Variants in PP2D1 observed in about 807,000 individuals in gnomAD.
PP2D1 encodes protein phosphatase 2C like domain containing 1.
PP2D1 carries 25 observed loss-of-function variants against 30.2 expected under a neutral mutation model. The observed-to-expected ratio is 0.83, with a 90% CI of 0.60 to 1.16. The LOEUF (loss-of-function observed/expected upper bound fraction) is 1.16, where lower values mean the gene tolerates loss of function less well. PP2D1 is among the 50% of genes most tolerant of loss of function. The pLI is 0.00. For synonymous variants in PP2D1, 260 were observed against 258.9 expected (o/e 1.00, Z -0.04); for missense variants, 760 against 742.4 (o/e 1.02, Z -0.28).
downstream of PP2D1, among the ~76,000 whole-genome samples, chr3:19,981,997 C>T (rs1696937942): frequency 6.6e-6 from 1 of 151,978 alleles, no homozygotes; most frequent in Non-Finnish European, 1.5e-5. Context: ...AATCCCAATA[C>T]TTTGAGAGGC....
At chr3:19,989,163 GTC>G (rs1478697642) in intron 2 of PP2D1, among the ~76,000 whole-genome samples, 1 of 152,058 alleles carries the variant, frequency 6.6e-6, no homozygotes, top group East Asian at 1.9e-4. Context: ...GCGAAACTCT[GTC>G]TCTACTAAAT....
At chr3:19,990,245 A>T (rs574789493) in intron 2 of PP2D1, among the ~76,000 whole-genome samples, 1 of 152,120 alleles carries the variant, frequency 6.6e-6, no homozygotes, top group South Asian at 2.1e-4. Context: ...CCCTGGGCTC[A>T]GGTGATCCTC....
chr3:19,981,442 C>T (rs1220897615), downstream of PP2D1, among the ~76,000 whole-genome samples: 2 of 151,854 alleles, frequency 1.3e-5, no homozygotes, highest in African/African-American at 4.8e-5. Flanking sequence ...GTCGAAACCC[C>T]GTCTCTACTA....
Position 19,986,201 on chromosome 3 carries a change from AAAG to A in PP2D1, c.1091-22_1091-20del, listed in dbSNP as rs1156463266. 1.0e-5 allele frequency: 15 copies of A among 1,435,776 alleles called. No homozygotes were observed. Among genetic ancestry groups the A allele is most frequent in the Non-Finnish European group, 1.4e-5 (15 of 1,098,504 alleles). The allele number at this position is 1,435,776 out of a possible 1,614,324, so 88.9% of individuals were successfully genotyped here. On this transcript the variant is annotated intron_variant, in intron 2 of 2. Coordinates refer to ENST00000389050, the MANE Select transcript of PP2D1 (RefSeq NM_001252657.2). ...ACATTACCTAAAAGATTATTTTTTAAAAGAAGAAATTTTTATCCTAGAGATAAC... is the reference window on the plus strand; with the variant it reads ...ACATTACCTAAAAGATTATTTTTTAAAAGAAATTTTTATCCTAGAGATAAC...
At chr3:20,004,223 T>C (rs1299440350) in intron 1 of PP2D1, among the ~76,000 whole-genome samples, 12 of 152,206 alleles carry the variant, frequency 7.9e-5, no homozygotes, top group Non-Finnish European at 1.0e-4. Context: ...TGTGTTACAA[T>C]TGCCTACAGT....
intron 2 of PP2D1, among the ~76,000 whole-genome samples, chr3:19,990,233 C>G (rs576905305): frequency 1.3e-5 from 2 of 152,048 alleles, no homozygotes; most frequent in African/African-American, 4.8e-5. Flanking sequence ...CAGCCTTGAC[C>G]TCCCTGGGCT....
At chr3:19,996,451 C>T (rs1246718089) in intron 2 of PP2D1, among the ~76,000 whole-genome samples, 3 of 151,972 alleles carry the variant, frequency 2.0e-5, no homozygotes, top group Non-Finnish European at 4.4e-5. Flanking sequence ...TAAAAAGTCC[C>T]CCAAATGAAA....
chr3:19,980,000 C>CA (rs1364202824), exon 4 of PP2D1: 2 of 152,214 alleles, frequency 1.3e-5, no homozygotes, highest in Non-Finnish European at 1.5e-5. Flanking sequence ...CACTAGGTGA[C>CA]AGAGTTTAAT....
In PP2D1 at chr3:20,001,433, A is replaced by T. The variant is rs1697250997; in HGVS notation, c.687T>A (p.His229Gln). Residue 229 changes from histidine to glutamine, a missense_variant, in exon 2 of 3, where the codon CAT becomes CAA. Coordinates refer to ENST00000389050, the MANE Select transcript of PP2D1 (RefSeq NM_001252657.2). ...AAGAAGGATCAAATTTGGAAAGCTG[A>T]TGGAGAAGTAAAACTGGGAGTTCCA... ...TSMELPVLLL[H>Q]QLSKFDPSYQ... 4.6e-6 allele frequency: 7 copies of T among 1,536,642 alleles called. No homozygotes were observed. The highest frequency in any genetic ancestry group is 2.4e-5 in the South Asian group (2 of 84,060).
chr3:20,011,237 C>T (rs554669117), intron 1 of PP2D1, among the ~76,000 whole-genome samples: 46 of 152,118 alleles, frequency 3.0e-4, no homozygotes, highest in African/African-American at 1.1e-3. Context: ...TCTGTCAAGG[C>T]CTTTGAGAGC....
chr3:19,986,202 A>G lies in PP2D1; in HGVS notation c.1091-20T>C, dbSNP rs1478861318. ...CATTACCTAAAAGATTATTTTTTAA[A>G]AGAAGAAATTTTTATCCTAGAGATA... On this transcript the variant is annotated intron_variant, in intron 2 of 2. Transcript: ENST00000389050. 7.0e-7 allele frequency: 1 copy of G among 1,434,502 alleles called. No individual in the cohort carries two copies. The highest frequency in any genetic ancestry group is 9.1e-7 in the Non-Finnish European group (1 of 1,097,696). 88.9% of individuals were successfully genotyped at this position (1,434,502 alleles called of 1,614,324 possible). A position where few individuals can be genotyped will look rare whatever the true frequency, so the allele number is the denominator to read the frequency against.
rs1697244672 is a variant in PP2D1, at chr3:20,001,109, G to A, written c.1011C>T (p.Thr337=). The A allele has an allele frequency of 7.0e-7, 1 of 1,426,108 alleles. No individual in the cohort carries two copies. The highest frequency in any genetic ancestry group is 2.9e-5 in the Admixed American group (1 of 34,830). 88.3% of individuals were successfully genotyped at this position (1,426,108 alleles called of 1,614,324 possible). A position where few individuals can be genotyped will look rare whatever the true frequency, so the allele number is the denominator to read the frequency against. ...GGGAGCTCTCTGCCAACCCATCATG[G>A]GTATTTTTTCTTTTCCAATTCTTAT... The part of the protein sequence containing the change: ...YAHKNWKRKN[T]HDGLAESSPS... The change falls in exon 2 of 3, where the codon ACC becomes ACT. Residue 337 remains threonine, a synonymous_variant. Transcript: ENST00000389050.
At chr3:19,982,676 C>T (rs895009418), downstream of PP2D1, among the ~76,000 whole-genome samples, 6 of 151,750 alleles carry the variant, frequency 4.0e-5, no homozygotes, top group African/African-American at 1.2e-4. Flanking sequence ...AAGTGAGACC[C>T]CATCTCACTT....
chr3:20,003,888 C>T (rs1048730819), intron 1 of PP2D1, among the ~76,000 whole-genome samples: 1 of 151,862 alleles, frequency 6.6e-6, no homozygotes, highest in Non-Finnish European at 1.5e-5. Flanking sequence ...TCTTTTAAGC[C>T]AAATGTTACA....
intron 1 of PP2D1, chr3:20,007,813 A>T (rs1697339109): frequency 6.5e-6 from 1 of 153,876 alleles, no homozygotes; most frequent in Non-Finnish European, 1.4e-5. Context: ...AAGAAATAGG[A>T]AATAGAATAT....
chr3:20,002,111 A>G lies in PP2D1; in HGVS notation c.24-15T>C, dbSNP rs201442025. On this transcript the variant is annotated splice_polypyrimidine_tract_variant and intron_variant, in intron 1 of 2. Coordinates refer to ENST00000389050, the MANE Select transcript of PP2D1 (RefSeq NM_001252657.2). ...TCCAAAACACTCTGCAAACAGGATG[A>G]AAGATATTTACATGCCAGGATGATG... is the stretch of plus-strand genomic sequence containing the variant. 5 of 1,489,674 alleles carry G rather than the reference A, an allele frequency of 3.4e-6. No homozygotes were observed. The highest frequency in any genetic ancestry group is 4.5e-6 in the Non-Finnish European group (5 of 1,108,782). The allele number at this position is 1,489,674 out of a possible 1,614,324, so 92.3% of individuals were successfully genotyped here.
intron 2 of PP2D1, among the ~76,000 whole-genome samples, chr3:19,994,598 C>G (rs951105047): frequency 1.3e-5 from 2 of 152,196 alleles, no homozygotes; most frequent in Non-Finnish European, 2.9e-5. Context: ...CTCTGGATGA[C>G]ACATCTCTCA....
chr3:20,011,770 GC>G (rs1289522279), intron 1 of PP2D1, among the ~76,000 whole-genome samples: 6 of 152,166 alleles, frequency 3.9e-5, no homozygotes, highest in Non-Finnish European at 7.4e-5. Flanking sequence ...TTGCACTCCA[GC>G]CTGGGCAACA....
chr3:20,001,073 C>A lies in PP2D1; in HGVS notation c.1047G>T (p.Glu349Asp). 7.1e-7 allele frequency: 1 copy of A among 1,398,636 alleles called. No individual in the cohort carries two copies. The highest frequency in any genetic ancestry group is 9.3e-7 in the Non-Finnish European group (1 of 1,078,350). The allele number at this position is 1,398,636 out of a possible 1,614,324, so 86.6% of individuals were successfully genotyped here. ...DGLAESSPSQ[E>D]MPKIISGILH... is the part of the protein sequence containing the mutation. ...ATATTCCAGAAATTATTTTTGGCAT[C>A]TCCTGGGAAGGGGAGCTCTCTGCCA... The change falls in exon 2 of 3, where the codon GAG becomes GAT. Residue 349 changes from glutamate (E) to aspartate (D), a missense_variant. Physicochemically the swap from Glu to Asp is conservative, Grantham distance 45. This residue lies in a region of PP2D1 where 17 missense variants were observed against 37.4 expected (regional missense o/e 0.45). Coordinates refer to ENST00000389050, the MANE Select transcript of PP2D1 (RefSeq NM_001252657.2).
Sources: allele counts gnomAD v4.1 joint callset (sites outside exome capture counted in the v4.1 genomes callset), GRCh38; gene constraint gnomAD v4.1.1; regional missense constraint gnomAD v4.1.1; transcripts MANE v1.5; gene names NCBI Gene and HGNC (gene_info 2026-07-23, HGNC 2026-07-21).